Variants in DENND5B observed in about 807,000 individuals in gnomAD.
DENND5B encodes the protein DENN domain-containing protein 5B.
A neutral mutation model predicts 140.6 loss-of-function variants in DENND5B; 34 were observed. The observed-to-expected ratio is 0.24, with a 90% CI of 0.18 to 0.32. The LOEUF (loss-of-function observed/expected upper bound fraction) is 0.32, where lower values mean the gene tolerates loss of function less well. DENND5B is among the 10% of genes least tolerant of loss of function. DENND5B has a pLI of 1.00. For synonymous variants in DENND5B, 551 were observed against 562.1 expected, an observed-to-expected ratio of 0.98 and a Z score of 0.28; for missense variants, 1,142 against 1,560.2, an observed-to-expected ratio of 0.73 and a Z score of 4.52.
chr12:31,550,295 A>G (rs1251626027), intron 1 of DENND5B, among the ~76,000 whole-genome samples: 1 of 135,544 alleles, frequency 7.4e-6, no homozygotes, highest in African/African-American at 2.8e-5. Context: ...ATTCCCACCT[A>G]TGAGTGAGAA....
chr12:31,401,018 T>G (rs1444383536), intron 15 of DENND5B, among the ~76,000 whole-genome samples: 1 of 151,974 alleles, frequency 6.6e-6, no homozygotes, highest in African/African-American at 2.4e-5. Flanking sequence ...AATTTTTGTG[T>G]TTTTAGTAGA....
chr12:31,453,041 C>G (rs1358852521), intron 4 of DENND5B, among the ~76,000 whole-genome samples: 3 of 152,120 alleles, frequency 2.0e-5, no homozygotes, highest in Non-Finnish European at 4.4e-5. Flanking sequence ...CAATAATCAC[C>G]AAAAACCAGC....
chr12:31,528,197 G>A (rs774667533), intron 1 of DENND5B, among the ~76,000 whole-genome samples: 1 of 152,180 alleles, frequency 6.6e-6, no homozygotes, highest in African/African-American at 2.4e-5. Context: ...CAGCAAGGCC[G>A]AACTCCCTCC....
chr12:31,479,583 A>G lies in DENND5B; in HGVS notation c.904+6T>C. On this transcript the variant is annotated splice_donor_region_variant and intron_variant, in intron 3 of 20. Coordinates refer to ENST00000389082, the MANE Select transcript of DENND5B (RefSeq NM_144973.4). ...TTGGAAAATGTAAAATCCAAGGAAA[A>G]CCTACCTTGTGAGTAGAGAAGGATT... The G allele has an allele frequency of 1.4e-6, 2 of 1,477,292 alleles. No homozygotes were observed. Among genetic ancestry groups the G allele is most frequent in the Non-Finnish European group, 1.8e-6 (2 of 1,114,348 alleles). 91.5% of individuals were successfully genotyped at this position (1,477,292 alleles called of 1,614,324 possible). A position where few individuals can be genotyped will look rare whatever the true frequency, so the allele number is the denominator to read the frequency against.
intron 1 of DENND5B, among the ~76,000 whole-genome samples, chr12:31,497,488 T>TGTGAAACTGTCCATG (rs1488516505): frequency 1.3e-5 from 2 of 151,974 alleles, no homozygotes; most frequent in Non-Finnish European, 2.9e-5. Flanking sequence ...AGCAGAGGAA[T>TGTGAAACTGTCCATG]GTGAAACTGT....
chr12:31,420,820 T>A (rs1389272343), intron 11 of DENND5B, among the ~76,000 whole-genome samples: 1 of 152,200 alleles, frequency 6.6e-6, no homozygotes, highest in East Asian at 1.9e-4. Context: ...AATTGTATTC[T>A]GAACTTCTTT....
chr12:31,528,904 G>C (rs932045254), intron 1 of DENND5B, among the ~76,000 whole-genome samples: 1 of 151,884 alleles, frequency 6.6e-6, no homozygotes, highest in Non-Finnish European at 1.5e-5. Context: ...GCTCATGCCT[G>C]TAATCCCAGC....
intron 2 of DENND5B, among the ~76,000 whole-genome samples, chr12:31,489,466 A>T (rs1237128252): frequency 6.6e-6 from 1 of 152,138 alleles, no homozygotes; most frequent in Non-Finnish European, 1.5e-5. Flanking sequence ...GTTGCTACGG[A>T]CTCTGTTCGA....
At position 31,587,526 on chromosome 12, in the gene DENND5B, C is replaced by CTTTT. The variant is rs71460995; in HGVS notation, c.127+3176_127+3179dup. ...CAACAACTTCTCTCACCACAAATAC[C>CTTTT]TTTTTTTTTTTTTTTTTTTTTTTTT... On this transcript the variant is annotated intron_variant, in intron 1 of 20. Coordinates refer to ENST00000389082, the MANE Select transcript of DENND5B (RefSeq NM_144973.4). Among the ~76,000 whole-genome samples the CTTTT allele has an allele frequency of 3.6e-4, 27 of 75,038 alleles. 5 individuals are homozygous for CTTTT. Among genetic ancestry groups the CTTTT allele is most frequent in the East Asian group, 8.5e-4 (2 of 2,362 alleles). The allele number at this position is 75,038 out of a possible 152,430, so 49.2% of individuals were successfully genotyped here. A position where few individuals can be genotyped will look rare whatever the true frequency, so the allele number is the denominator to read the frequency against.
chr12:31,463,370 G>T (rs1263157731), intron 3 of DENND5B, among the ~76,000 whole-genome samples: 1 of 152,166 alleles, frequency 6.6e-6, no homozygotes, highest in African/African-American at 2.4e-5. Flanking sequence ...CAAATCCAGA[G>T]AAATCTCCTT....
intron 13 of DENND5B, among the ~76,000 whole-genome samples, chr12:31,413,015 A>G (rs1942547375): frequency 6.6e-6 from 1 of 151,908 alleles, no homozygotes. Context: ...CCACCTCCCA[A>G]GTTCAAGTGA....
chr12:31,392,806 T>C, intron 17 of DENND5B, 110 bp from the exon 18 acceptor site: 1 of 1,108,284 alleles, frequency 9.0e-7, no homozygotes, highest in Non-Finnish European at 1.3e-6. Flanking sequence ...CAGAGCAGGC[T>C]GGCTTTGCCA....
In DENND5B at chr12:31,479,968, T is replaced by C; in HGVS notation, c.525A>G (p.Arg175=). 1.9e-6 allele frequency: 3 copies of C among 1,614,008 alleles called. No homozygotes were observed. Among genetic ancestry groups the C allele is most frequent in the South Asian group, 1.1e-5 (1 of 91,080 alleles). The stretch of plus-strand genomic sequence containing the variant: ...CTCTGCTAATATCATAGGAGTTGTA[T>C]CGCTGGAGTTTCAAAAGGGAAGTTG... ...GDTTSLLKLQ[R]YNSYDISRDT... The change falls in exon 3 of 21, where the codon CGA becomes CGG. Residue 175 remains arginine, a synonymous_variant. Transcript: ENST00000389082.
At chr12:31,423,572 T>G in intron 11 of DENND5B, 25 bp downstream of exon 11, 1 of 1,611,692 alleles carries the variant, frequency 6.2e-7, no homozygotes, top group African/African-American at 1.3e-5. Context: ...CCAGTGCTGC[T>G]AGTTCTTTAC....
Position 31,504,825 on chromosome 12 carries a change from T to G in DENND5B, c.128-8906A>C, listed in dbSNP as rs573969476. Among the ~76,000 whole-genome samples, 4 of 152,324 alleles carry G rather than the reference T, an allele frequency of 2.6e-5. No individual in the cohort carries two copies. In the East Asian group the frequency reaches 7.7e-4, roughly 29 times the overall value. ...ACGATTAGTTCTTGCCAATGATATG[T>G]GGGCAGCAATGACGTCATTTCCGGG... is the stretch of plus-strand genomic sequence containing the variant. On this transcript the variant is annotated intron_variant, in intron 1 of 20. Transcript: ENST00000389082.
chr12:31,585,690 G>C (rs550930482), intron 1 of DENND5B, among the ~76,000 whole-genome samples: 1 of 152,172 alleles, frequency 6.6e-6, no homozygotes, highest in Non-Finnish European at 1.5e-5. Context: ...AAGAACTAAC[G>C]TGACATGATA....
Position 31,591,017 on chromosome 12 carries a change from G to C in DENND5B, c.-185C>G, listed in dbSNP as rs1330185629. 1.8e-6 allele frequency: 1 copy of C among 552,718 alleles called. No homozygotes were observed. Among genetic ancestry groups the C allele is most frequent in the African/African-American group, 2.1e-5 (1 of 48,428 alleles). 34.2% of individuals were successfully genotyped at this position (552,718 alleles called of 1,614,324 possible). ...CTCGCTCGGCGCGGGGGAAGCGGCC[G>C]CGGGCTCGCGCGCGGCGGGTCCGGA... On this transcript the variant is annotated 5_prime_UTR_variant, in exon 1 of 21. Coordinates refer to ENST00000389082, the MANE Select transcript of DENND5B (RefSeq NM_144973.4).
chr12:31,538,409 C>T (rs772391313), intron 1 of DENND5B, among the ~76,000 whole-genome samples: 31 of 151,864 alleles, frequency 2.0e-4, no homozygotes, highest in African/African-American at 2.4e-4. Flanking sequence ...ACACAACATA[C>T]GAAAAGCTAT....
At chr12:31,398,042 A>G in intron 17 of DENND5B, 133 bp downstream of exon 17, 1 of 894,072 alleles carries the variant, frequency 1.1e-6, no homozygotes, top group Non-Finnish European at 1.6e-6. Flanking sequence ...GCTTTTGAAT[A>G]TTTATGAATT....
Sources: gnomAD v4.1 joint callset for allele counts (sites outside exome capture counted in the v4.1 genomes callset) on GRCh38, gnomAD v4.1.1 for gene constraint, MANE v1.5 for transcripts, NCBI Gene and HGNC (gene_info 2026-07-23, HGNC 2026-07-21) for gene names.